IL16: variants seen among roughly 807,000 people sequenced by gnomAD.
The protein encoded by IL16 is interleukin 16, also known as pro-interleukin-16.
A neutral mutation model predicts 110.1 loss-of-function variants in IL16; 67 were observed. The ratio of observed to expected loss-of-function variants is 0.61; its 90% CI spans 0.50 to 0.75. IL16 has a LOEUF of 0.75. Among genes scored for constraint, IL16 ranks in the 30% least tolerant of loss-of-function variants. IL16 has a pLI of 0.00. For missense variants in IL16, 1,545 were observed against 1,655.0 expected (o/e 0.93, Z 1.15); for synonymous variants, 689 against 662.9 (o/e 1.04, Z -0.61).
At chr15:81,232,286 C>A (rs1430966890) in intron 2 of IL16, among the ~76,000 whole-genome samples, 1 of 151,988 alleles carries the variant, frequency 6.6e-6, no homozygotes, top group Non-Finnish European at 1.5e-5. Context: ...CCTACCATTT[C>A]TGAATAAGCG....
intron 1 of IL16, among the ~76,000 whole-genome samples, chr15:81,198,316 C>CA (rs1217634503): frequency 6.6e-6 from 1 of 152,132 alleles, no homozygotes; most frequent in African/African-American, 2.4e-5. Context: ...AGTATATCCC[C>CA]AAACCGAGAG....
rs1054566394 is a variant in IL16, at chr15:81,306,740, C to T, written c.3805+195C>T. 31 of 684,094 alleles carry T rather than the reference C, an allele frequency of 4.5e-5. No individual in the cohort carries two copies. The African/African-American group carries it at 4.8e-4, about 11-fold the overall frequency. The allele number at this position is 684,094 out of a possible 1,614,324, so 42.4% of individuals were successfully genotyped here. A position where few individuals can be genotyped will look rare whatever the true frequency, so the allele number is the denominator to read the frequency against. On this transcript the variant is annotated intron_variant, in intron 18 of 18. Transcript: ENST00000683961. ...CCTTTGCTCAGACATCCCCTCAATCCCCCCTCTGTTTTGATGGGTCTTCAA... is the reference window on the plus strand; with the variant it reads ...CCTTTGCTCAGACATCCCCTCAATCTCCCCTCTGTTTTGATGGGTCTTCAA...
At chr15:81,240,670 T>C (rs901371264) in intron 2 of IL16, among the ~76,000 whole-genome samples, 1 of 152,116 alleles carries the variant, frequency 6.6e-6, no homozygotes, top group East Asian at 1.9e-4. Context: ...ATATACTCAT[T>C]CAAACCTTTT....
chr15:81,264,097 T>C (rs1187712039), intron 3 of IL16, among the ~76,000 whole-genome samples: 1 of 152,200 alleles, frequency 6.6e-6, no homozygotes, highest in Non-Finnish European at 1.5e-5. Context: ...CGGATAAATA[T>C]AATGCACAGG....
intron 10 of IL16, among the ~76,000 whole-genome samples, chr15:81,287,376 A>G (rs955184382): frequency 1.8e-4 from 28 of 152,206 alleles, no homozygotes; most frequent in African/African-American, 6.5e-4. Flanking sequence ...GGCAAGTTAG[A>G]CTTAGGGCTG....
At chr15:81,213,442 G>A (rs74604633) in intron 1 of IL16, among the ~76,000 whole-genome samples, 1,663 of 152,278 alleles carry the variant, frequency 0.011, 34 homozygotes, top group African/African-American at 0.038. Flanking sequence ...GAGTGTCTTC[G>A]TTGGTTTTCT....
At chr15:81,236,837 A>G (rs895671076) in intron 2 of IL16, among the ~76,000 whole-genome samples, 6 of 152,218 alleles carry the variant, frequency 3.9e-5, no homozygotes, top group Non-Finnish European at 7.4e-5. Context: ...GGTGCCCGTA[A>G]TCCCAGCTAC....
At chr15:81,308,577 G>A (rs1180250035) in intron 18 of IL16, 28 bp from the exon 19 acceptor site, 2 of 1,547,450 alleles carry the variant, frequency 1.3e-6, no homozygotes, top group African/African-American at 2.8e-5. Flanking sequence ...ATCATCTGTG[G>A]AACCCATTAC....
chr15:81,187,386 C>T (rs186448070), intron 1 of IL16, among the ~76,000 whole-genome samples: 79 of 152,194 alleles, frequency 5.2e-4, no homozygotes, highest in African/African-American at 1.8e-3. Flanking sequence ...GGCTGATGCC[C>T]AGGAGTTCAA....
chr15:81,291,293 T>C (rs1158149370), intron 11 of IL16, among the ~76,000 whole-genome samples: 1 of 152,344 alleles, frequency 6.6e-6, no homozygotes, highest in Non-Finnish European at 1.5e-5. Flanking sequence ...CCAACATGCA[T>C]ATATGCTCGG....
At chr15:81,297,197 C>G in intron 13 of IL16, 119 bp downstream of exon 13, 1 of 958,284 alleles carries the variant, frequency 1.0e-6, no homozygotes, top group Non-Finnish European at 1.5e-6. Flanking sequence ...CACCACTGGA[C>G]CTGGCTGATC....
At chr15:81,225,850 G>A in intron 2 of IL16, 139 bp downstream of exon 2, 1 of 764,598 alleles carries the variant, frequency 1.3e-6, no homozygotes, top group Non-Finnish European at 2.1e-6. Context: ...AAAAGTTGAG[G>A]CAGGGCCCAC....
chr15:81,297,466 C>T (rs150110390), intron 13 of IL16, among the ~76,000 whole-genome samples: 26 of 152,260 alleles, frequency 1.7e-4, no homozygotes, highest in African/African-American at 4.6e-4. Flanking sequence ...GAGAATGCAA[C>T]GCCAGAAAAG....
intron 4 of IL16, 139 bp from the exon 5 acceptor site, chr15:81,269,399 T>G: frequency 1.5e-6 from 1 of 667,624 alleles, no homozygotes. Flanking sequence ...ACTAACCACA[T>G]TCTGGTTGTT....
rs76882426 is a variant in IL16 at position 81,240,471 on chromosome 15, T to A, written c.312+14760T>A. Among the ~76,000 whole-genome samples the A allele has an allele frequency of 5.9e-5, 9 of 152,208 alleles. No homozygotes were observed. The East Asian group carries it at 1.5e-3, about 26-fold the overall frequency. On this transcript the variant is annotated intron_variant, in intron 2 of 18. Transcript: ENST00000683961. ...GTGGTTATACCAATCTACCCTTCCA[T>A]CAGCAGGTGTAAGTTTCTTTGTTCC...
chr15:81,241,404 C>A (rs1393021091), intron 2 of IL16, among the ~76,000 whole-genome samples: 1 of 151,858 alleles, frequency 6.6e-6, no homozygotes, highest in Non-Finnish European at 1.5e-5. Flanking sequence ...ATTAAGCCTA[C>A]CACTTTAATA....
rs1420264774 is a variant in IL16, at chr15:81,312,514, A to G, written c.*3716A>G. On this transcript the variant is annotated 3_prime_UTR_variant, in exon 19 of 19. Transcript: ENST00000683961. Reference sequence around the variant, plus strand: ...CCCATGCAGACATGAGTGCGTGCTCAGTTCAGAATCACTTCTGAGAACTCA... The same window carrying G: ...CCCATGCAGACATGAGTGCGTGCTCGGTTCAGAATCACTTCTGAGAACTCA... 3 of 152,260 alleles carry G rather than the reference A, an allele frequency of 2.0e-5. No homozygotes were observed. Among genetic ancestry groups the G allele is most frequent in the Non-Finnish European group, 2.9e-5 (2 of 68,060 alleles). 9.4% of individuals were successfully genotyped at this position (152,260 alleles called of 1,614,324 possible).
chr15:81,209,509 G>A (rs192675230), intron 1 of IL16, among the ~76,000 whole-genome samples: 124 of 152,236 alleles, frequency 8.1e-4, no homozygotes, highest in South Asian at 4.4e-3. Context: ...GCATTGTCCA[G>A]TTCAGAACCT....
intron 1 of IL16, among the ~76,000 whole-genome samples, chr15:81,199,030 A>AAAAATATATAT (rs1555411597): frequency 9.6e-6 from 1 of 104,202 alleles, no homozygotes; most frequent in African/African-American, 5.2e-5. Context: ...AAAAAAAAAA[A>AAAAATATATAT]ATATATATAT....
Sources: gnomAD v4.1 joint callset for allele counts (sites outside exome capture counted in the v4.1 genomes callset) on GRCh38, gnomAD v4.1.1 for gene constraint, MANE v1.5 for transcripts, NCBI Gene and HGNC (gene_info 2026-07-23, HGNC 2026-07-21) for gene names.